Variants in NBPF15 observed in about 807,000 individuals in gnomAD.
NBPF15 encodes NBPF family member NBPF15.
In NBPF15, 74 loss-of-function variants were observed where a neutral mutation model predicts 62.2. That is an observed-to-expected ratio of 1.19 (90% CI 0.99 to 1.44). The LOEUF (loss-of-function observed/expected upper bound fraction) is 1.44, where lower values mean the gene tolerates loss of function less well. Ranked by LOEUF, NBPF15 falls within the 40% of genes most tolerant of loss-of-function variation. NBPF15 has a pLI of 0.00. For synonymous variants in NBPF15, 244 were observed against 209.7 expected (o/e 1.16, Z -1.41); for missense variants, 790 against 550.0 (o/e 1.44, Z -4.36).
chr1:144,459,795 T>C (rs1651133825), intron 2 of NBPF15, among the ~76,000 whole-genome samples: 1 of 151,728 alleles, frequency 6.6e-6, no homozygotes, highest in African/African-American at 2.4e-5. Flanking sequence ...CCTACTAGAA[T>C]GGCAAAATAA....
At chr1:144,448,285 G>A (rs1553544720) in intron 6 of NBPF15, among the ~76,000 whole-genome samples, 1 of 152,022 alleles carries the variant, frequency 6.6e-6, no homozygotes, top group East Asian at 1.9e-4. Flanking sequence ...TGGCTACTTT[G>A]TTTTTGGAAG....
chr1:144,436,004 C>T (rs1168035122), intron 10 of NBPF15, among the ~76,000 whole-genome samples, 151 bp from the exon 11 acceptor site: 2 of 150,816 alleles, frequency 1.3e-5, no homozygotes, highest in Non-Finnish European at 3.0e-5. Flanking sequence ...AATGCCCTGG[C>T]ATGGTTTCCT....
At chr1:144,459,031 C>A (rs1187320662) in intron 3 of NBPF15, among the ~76,000 whole-genome samples, 1 of 145,726 alleles carries the variant, frequency 6.9e-6, no homozygotes, top group Non-Finnish European at 1.5e-5. Context: ...TAGAGTGAGG[C>A]CCTGTCTGAA....
chr1:144,451,756 C>T (rs587668588), intron 4 of NBPF15, among the ~76,000 whole-genome samples: 174 of 151,374 alleles, frequency 1.1e-3, no homozygotes, highest in African/African-American at 3.3e-3. Flanking sequence ...AGATTAACAG[C>T]GTCTCAAGGC....
chr1:144,443,323 A>G (rs1239736964), intron 6 of NBPF15, among the ~76,000 whole-genome samples: 5 of 152,146 alleles, frequency 3.3e-5, no homozygotes, highest in Admixed American at 3.3e-4. Flanking sequence ...ATTTATGAAT[A>G]CTTACACCAT....
At chr1:144,461,338 C>T (rs1259373125) in intron 1 of NBPF15, 43 bp downstream of exon 1, 1 of 151,512 alleles carries the variant, frequency 6.6e-6, no homozygotes, top group Admixed American at 6.6e-5. Context: ...CTTGCGACAG[C>T]CGCAGCTCGA....
chr1:144,452,023 G>A (rs1197354798), intron 4 of NBPF15, among the ~76,000 whole-genome samples: 1 of 151,302 alleles, frequency 6.6e-6, no homozygotes, highest in African/African-American at 2.4e-5. Flanking sequence ...GTGGTAGCAG[G>A]CGCCTGTAAT....
At chr1:144,444,354 G>T (rs1390665200) in intron 6 of NBPF15, among the ~76,000 whole-genome samples, 2 of 151,040 alleles carry the variant, frequency 1.3e-5, no homozygotes, top group Admixed American at 1.3e-4. Context: ...GGTTTTTCCT[G>T]GGCCTTAAAG....
At chr1:144,445,007 T>C (rs1686257208) in intron 6 of NBPF15, among the ~76,000 whole-genome samples, 1 of 151,554 alleles carries the variant, frequency 6.6e-6, no homozygotes, top group South Asian at 2.1e-4. Flanking sequence ...CCAAGTGCTT[T>C]ATATCCTCAC....
At chr1:144,444,655 C>A (rs1408337893) in intron 6 of NBPF15, among the ~76,000 whole-genome samples, 1 of 151,824 alleles carries the variant, frequency 6.6e-6, no homozygotes, top group Non-Finnish European at 1.5e-5. Context: ...TGCACACTTC[C>A]ACATACACAT....
rs370896041 is a variant in NBPF15, at chr1:144,437,772, C to T, written c.278+173G>A. The stretch of plus-strand genomic sequence containing the variant: ...CTCTGAGAAACAACTGCAACCCATA[C>T]ATTTTTATTATCCTTCTTCTCTGTT... On this transcript the variant is annotated intron_variant, in intron 9 of 21. Coordinates refer to ENST00000581897, the MANE Select transcript of NBPF15 (RefSeq NM_001385408.1). Among the ~76,000 whole-genome samples, 287 of 149,112 alleles carry T rather than the reference C, an allele frequency of 1.9e-3. 1 individual carries two copies. The highest frequency in any genetic ancestry group is 6.7e-3 in the African/African-American group (269 of 39,956).
rs1469507475 is a variant in NBPF15, at chr1:144,455,266, G to T, written c.-432+1271C>A. Among the ~76,000 whole-genome samples, 8 of 149,828 alleles carry T rather than the reference G, an allele frequency of 5.3e-5. No individual in the cohort carries two copies. The East Asian group carries it at 1.2e-3, about 22-fold the overall frequency. ...AGAGAAAAAGAGTGGGAGAGAAGTAGGGAAGGGAGAGAAGTAGGGAAGGAA... is the reference window on the plus strand; with the variant it reads ...AGAGAAAAAGAGTGGGAGAGAAGTATGGAAGGGAGAGAAGTAGGGAAGGAA... On this transcript the variant is annotated intron_variant, in intron 4 of 21. Coordinates refer to ENST00000581897, the MANE Select transcript of NBPF15 (RefSeq NM_001385408.1).
At chr1:144,429,469 C>A (rs1164942278) in intron 14 of NBPF15, among the ~76,000 whole-genome samples, 1 of 150,818 alleles carries the variant, frequency 6.6e-6, no homozygotes, top group Non-Finnish European at 1.5e-5. Flanking sequence ...GACAGTCAGT[C>A]CAGGTTGGCA....
intron 3 of NBPF15, among the ~76,000 whole-genome samples, chr1:144,457,031 T>C (rs587653296): frequency 6.6e-6 from 1 of 151,522 alleles, no homozygotes; most frequent in East Asian, 1.9e-4. Flanking sequence ...AATGAAAAAT[T>C]GGCCCAGCAT....
At chr1:144,424,610 A>C in intron 20 of NBPF15, 80 bp downstream of exon 20, 2 of 659,144 alleles carry the variant, frequency 3.0e-6, no homozygotes, top group South Asian at 1.9e-5. Context: ...TCAGCTCAGT[A>C]ATGGCCAATT....
chr1:144,423,720 A>T, intron 21 of NBPF15, 150 bp downstream of exon 21: 1 of 676,860 alleles, frequency 1.5e-6, no homozygotes, highest in Non-Finnish European at 2.6e-6. Context: ...GGAAACCTAA[A>T]CATCTACTGC....
chr1:144,427,792 T>C, intron 16 of NBPF15, 26 bp downstream of exon 16: 1 of 662,474 alleles, frequency 1.5e-6, no homozygotes, highest in Non-Finnish European at 2.7e-6. Context: ...AGTGGATCCT[T>C]ATCACCTTCA....
chr1:144,442,189 A>AC (rs1683727078), intron 6 of NBPF15, among the ~76,000 whole-genome samples: 1 of 113,008 alleles, frequency 8.8e-6, no homozygotes, highest in Non-Finnish European at 1.8e-5. Context: ...TAATATATAT[A>AC]CACGTGTATA....
Position 144,456,720 on chromosome 1 carries a change from A to T in NBPF15, c.-615T>A. 4.1e-6 allele frequency: 5 copies of T among 1,216,836 alleles called. No homozygotes were observed. Among genetic ancestry groups the T allele is most frequent in the Non-Finnish European group, 5.2e-6 (5 of 954,106 alleles). 75.4% of individuals were successfully genotyped at this position (1,216,836 alleles called of 1,614,324 possible). ...AGCACTGAAGCTCCAGGACACCCTC[A>T]GGAGGACGGTAAGGGACGGTAAGGT... On this transcript the variant is annotated 5_prime_UTR_variant, in exon 4 of 22. Coordinates refer to ENST00000581897, the MANE Select transcript of NBPF15 (RefSeq NM_001385408.1).
Sources: allele counts gnomAD v4.1 joint callset (sites outside exome capture counted in the v4.1 genomes callset), GRCh38; gene constraint gnomAD v4.1.1; transcripts MANE v1.5; gene names NCBI Gene and HGNC (gene_info 2026-07-23, HGNC 2026-07-21).